CSMD1: variants seen among roughly 807,000 people sequenced by gnomAD.
CSMD1 encodes CUB and Sushi multiple domains 1.
In CSMD1, 213 loss-of-function variants were observed where a neutral mutation model predicts 417.5. The ratio of observed to expected loss-of-function variants is 0.51; its 90% CI spans 0.46 to 0.57. The LOEUF (loss-of-function observed/expected upper bound fraction) is 0.57, where lower values mean the gene tolerates loss of function less well. CSMD1 is among the 20% of genes least tolerant of loss of function. The pLI, the probability that CSMD1 is intolerant of heterozygous loss-of-function variation, is 0.00. For synonymous variants in CSMD1, 2,862 were observed against 1,736.8 expected, an observed-to-expected ratio of 1.65 and a Z score of -16.11; for missense variants, 6,923 against 4,529.7, an observed-to-expected ratio of 1.53 and a Z score of -15.17.
chr8:4,261,960 A>T (rs1156339527), intron 3 of CSMD1, among the ~76,000 whole-genome samples: 1 of 152,200 alleles, frequency 6.6e-6, no homozygotes, highest in Non-Finnish European at 1.5e-5. Flanking sequence ...CAGAAAAAAA[A>T]TTAAAACCTG....
intron 1 of CSMD1, among the ~76,000 whole-genome samples, chr8:4,775,611 A>C (rs1299585466): frequency 1.3e-5 from 2 of 152,200 alleles, no homozygotes; most frequent in African/African-American, 4.8e-5. Flanking sequence ...ATCAATGTTA[A>C]TTACAAGCAA....
At chr8:4,488,047 G>A (rs1801503851) in intron 2 of CSMD1, among the ~76,000 whole-genome samples, 1 of 152,176 alleles carries the variant, frequency 6.6e-6, no homozygotes, top group Admixed American at 6.5e-5. Flanking sequence ...TGAGGATGGA[G>A]CCCTTGTCTC....
chr8:3,160,307 G>C (rs144318013), intron 38 of CSMD1, among the ~76,000 whole-genome samples: 4 of 152,066 alleles, frequency 2.6e-5, no homozygotes, highest in Non-Finnish European at 5.9e-5. Context: ...ATTTTTTGTA[G>C]AGATGGTGTC....
chr8:3,616,791 T>C lies in CSMD1; in HGVS notation c.1016A>G (p.Gln339Arg). 6.2e-7 allele frequency: 1 copy of C among 1,609,058 alleles called. No homozygotes were observed. The highest frequency in any genetic ancestry group is 1.3e-5 in the African/African-American group (1 of 74,938). Residue 339 changes from glutamine to arginine, a missense_variant, in exon 8 of 70, where the codon CAA becomes CGA. Coordinates refer to ENST00000635120, the MANE Select transcript of CSMD1 (RefSeq NM_033225.6). ...DGSHKNSVLSQGGVALVSDMC... is the reference protein window; with the variant it reads ...DGSHKNSVLSRGGVALVSDMC... Reference sequence around the variant, plus strand: ...GTCAGAGACCAATGCAACACCTCCTTGGCTCACTGTAATAGACAGAAACAT... The same window carrying C: ...GTCAGAGACCAATGCAACACCTCCTCGGCTCACTGTAATAGACAGAAACAT...
intron 1 of CSMD1, among the ~76,000 whole-genome samples, chr8:4,776,460 G>C (rs540653742): frequency 1.2e-4 from 18 of 152,168 alleles, no homozygotes; most frequent in African/African-American, 4.3e-4. Context: ...GCAGCACTCG[G>C]GCTCAGAGAA....
chr8:4,935,084 G>A (rs1029637902), intron 1 of CSMD1, among the ~76,000 whole-genome samples: 17 of 152,056 alleles, frequency 1.1e-4, no homozygotes, highest in South Asian at 2.1e-4. Flanking sequence ...ATCACAACAG[G>A]CCCCATGATC....
chr8:3,995,923 C>G lies in CSMD1; in HGVS notation c.818+1980G>C, dbSNP rs553991048. 2.6e-5 allele frequency among the ~76,000 whole-genome samples: 4 copies of G among 152,248 alleles called. No individual in the cohort carries two copies. In the South Asian group the frequency reaches 8.3e-4, roughly 32 times the overall value. ...TCCCTAGCAAATACAGAGAGAGATT[C>G]CAGTGATGTAGAAGATGTCTTCCAG... On this transcript the variant is annotated intron_variant, in intron 5 of 69. Transcript: ENST00000635120.
intron 3 of CSMD1, among the ~76,000 whole-genome samples, chr8:4,101,281 C>T (rs367783427): frequency 1.8e-4 from 27 of 152,156 alleles, no homozygotes; most frequent in African/African-American, 6.5e-4. Context: ...TGGTGTTCTT[C>T]CAAACTCCCA....
At chr8:4,614,676 C>T (rs1035730898) in intron 2 of CSMD1, among the ~76,000 whole-genome samples, 6 of 152,102 alleles carry the variant, frequency 3.9e-5, no homozygotes, top group African/African-American at 9.7e-5. Context: ...AACGCACACA[C>T]ACTGGATGCA....
chr8:4,144,271 C>T (rs1225803386), intron 3 of CSMD1, among the ~76,000 whole-genome samples: 2 of 150,984 alleles, frequency 1.3e-5, no homozygotes, highest in Non-Finnish European at 2.9e-5. Flanking sequence ...CCTTATTCTG[C>T]CTCACACTCA....
intron 6 of CSMD1, among the ~76,000 whole-genome samples, chr8:3,733,168 TACACACACACACACACACACACACAC>T (rs75223191): frequency 1.4e-5 from 2 of 140,450 alleles, no homozygotes; most frequent in Non-Finnish European, 3.0e-5. Context: ...AGGCCATAAA[TACACACACACACACACACACACACAC>T]ACACACACAC....
intron 3 of CSMD1, among the ~76,000 whole-genome samples, chr8:4,130,751 T>A (rs138899065): frequency 6.6e-6 from 1 of 152,050 alleles, no homozygotes; most frequent in Admixed American, 6.6e-5. Context: ...AGGAAGATTT[T>A]GAGGTGGTTA....
intron 38 of CSMD1, among the ~76,000 whole-genome samples, chr8:3,161,701 T>C (rs952701215): frequency 1.3e-5 from 2 of 152,136 alleles, no homozygotes; most frequent in Admixed American, 1.3e-4. Flanking sequence ...CTTAATAGTT[T>C]TTAAAACTTA....
chr8:4,484,647 T>A (rs967588670), intron 2 of CSMD1, among the ~76,000 whole-genome samples: 3 of 151,968 alleles, frequency 2.0e-5, no homozygotes, highest in African/African-American at 7.3e-5. Flanking sequence ...CACATCTTCC[T>A]GCATGGTCCC....
At chr8:3,385,944 C>A (rs1810977840) in intron 18 of CSMD1, among the ~76,000 whole-genome samples, 1 of 152,110 alleles carries the variant, frequency 6.6e-6, no homozygotes, top group African/African-American at 2.4e-5. Context: ...CTGCCACCAT[C>A]TGTGATTGTC....
chr8:4,010,926 T>C (rs1421920701), intron 4 of CSMD1, among the ~76,000 whole-genome samples: 1 of 152,160 alleles, frequency 6.6e-6, no homozygotes, highest in African/African-American at 2.4e-5. Context: ...ATGGCCATAA[T>C]CCTACATTGG....
intron 1 of CSMD1, among the ~76,000 whole-genome samples, chr8:4,920,569 C>T (rs1416068889): frequency 6.6e-6 from 1 of 152,080 alleles, no homozygotes; most frequent in Admixed American, 6.5e-5. Flanking sequence ...TGCCTGTAAT[C>T]CCAGCACTTT....
At chr8:3,296,552 C>A (rs976544584) in intron 25 of CSMD1, among the ~76,000 whole-genome samples, 1 of 152,122 alleles carries the variant, frequency 6.6e-6, no homozygotes, top group Non-Finnish European at 1.5e-5. Context: ...TGCTTGCTTG[C>A]TCTGTTGACA....
chr8:3,179,248 A>G (rs1371830530), intron 37 of CSMD1, among the ~76,000 whole-genome samples: 1 of 152,154 alleles, frequency 6.6e-6, no homozygotes, highest in Non-Finnish European at 1.5e-5. Context: ...CCCAGCCTAT[A>G]ATCTATATTT....
Sources: allele counts gnomAD v4.1 joint callset (sites outside exome capture counted in the v4.1 genomes callset), GRCh38; gene constraint gnomAD v4.1.1; transcripts MANE v1.5; gene names NCBI Gene and HGNC (gene_info 2026-07-23, HGNC 2026-07-21).